SLC15A1: variants seen among roughly 807,000 people sequenced by gnomAD.
SLC15A1 encodes the protein Caco-2 oligopeptide transporter.
SLC15A1 carries 83 observed loss-of-function variants against 92.9 expected under a neutral mutation model. The observed-to-expected ratio is 0.89, with a 90% CI of 0.75 to 1.07. The LOEUF (loss-of-function observed/expected upper bound fraction) is 1.07. Ranked by LOEUF, SLC15A1 falls within the 50% of genes least tolerant of loss-of-function variation. SLC15A1 has a pLI of 0.00. For synonymous variants in SLC15A1, 322 were observed against 318.2 expected (o/e 1.01, Z -0.13); for missense variants, 857 against 880.1 (o/e 0.97, Z 0.33).
rs372730032 is a variant in SLC15A1, at chr13:98,688,537, T to C, written c.1507A>G (p.Ser503Gly). 2 of 1,614,098 alleles carry C rather than the reference T, an allele frequency of 1.2e-6. No individual in the cohort carries two copies. Among genetic ancestry groups the C allele is most frequent in the Non-Finnish European group, 1.7e-6 (2 of 1,179,988 alleles). The change falls in exon 19 of 23, where the codon AGT becomes GGT. Residue 503 changes from serine (S) to glycine (G), a missense_variant. Physicochemically the swap from Ser to Gly is moderately conservative, Grantham distance 56 (BLOSUM62 0). Transcript: ENST00000376503. The stretch of plus-strand genomic sequence containing the variant: ...CTGATGTTTGCATAAACTTTCCCAC[T>C]CATTGTGATGGTGATGAGCTCGTTA... Reference protein sequence around the residue: ...TFNELITITMSGKVYANISSY... With the variant: ...TFNELITITMGGKVYANISSY...
chr13:98,713,509 A>G (rs2088184467), intron 9 of SLC15A1, among the ~76,000 whole-genome samples: 1 of 152,222 alleles, frequency 6.6e-6, no homozygotes, highest in African/African-American at 2.4e-5. Flanking sequence ...TTAGTTTTTA[A>G]GAGTAAGAAC....
chr13:98,684,799 C>T lies in SLC15A1; in HGVS notation c.2052G>A (p.Glu684=), dbSNP rs2087917493. 3 of 1,613,878 alleles carry T rather than the reference C, an allele frequency of 1.9e-6. No individual in the cohort carries two copies. The highest frequency in any genetic ancestry group is 1.3e-5 in the African/African-American group (1 of 74,858). The stretch of plus-strand genomic sequence containing the variant: ...TTTCCAGTCTGTTTTTCTTTTCATC[C>T]TCATCAAATTGAGCTTCGATCTCCG... The part of the protein sequence containing the change: ...NPAEIEAQFD[E]DEKKNRLEKS... Residue 684 remains glutamate (E), a synonymous_variant, in exon 23 of 23, where the codon GAG becomes GAA. Transcript: ENST00000376503.
intron 1 of SLC15A1, among the ~76,000 whole-genome samples, chr13:98,745,444 C>A (rs796894179): frequency 1.1e-4 from 17 of 152,272 alleles, no homozygotes; most frequent in African/African-American, 3.9e-4. Context: ...CAGAACTTGA[C>A]CTTATTTGGA....
chr13:98,706,687 C>T (rs756502811), intron 15 of SLC15A1, among the ~76,000 whole-genome samples: 1 of 152,150 alleles, frequency 6.6e-6, no homozygotes, highest in African/African-American at 2.4e-5. Context: ...TGCCTTTCAC[C>T]TTCTGCCATG....
chr13:98,683,998 C>T lies in SLC15A1; in HGVS notation c.*726G>A, dbSNP rs972544022. On this transcript the variant is annotated 3_prime_UTR_variant, in exon 23 of 23. Transcript: ENST00000376503. Reference sequence around the variant, plus strand: ...CAGCCATTTCAAACCTGTACGTTCACTTTTGGCCTTGGCTCCTGCCTCCTT... The same window carrying T: ...CAGCCATTTCAAACCTGTACGTTCATTTTTGGCCTTGGCTCCTGCCTCCTT... 9 of 152,216 alleles carry T rather than the reference C, an allele frequency of 5.9e-5. No individual in the cohort carries two copies. Among genetic ancestry groups the T allele is most frequent in the African/African-American group, 2.2e-4 (9 of 41,454 alleles). 9.4% of individuals were successfully genotyped at this position (152,216 alleles called of 1,614,324 possible). A position where few individuals can be genotyped will look rare whatever the true frequency, so the allele number is the denominator to read the frequency against.
chr13:98,746,583 T>C (rs1427772724), intron 1 of SLC15A1, among the ~76,000 whole-genome samples: 2 of 152,270 alleles, frequency 1.3e-5, no homozygotes, highest in Non-Finnish European at 2.9e-5. Flanking sequence ...ACATCTGCCA[T>C]GTCCTAATAG....
intron 18 of SLC15A1, among the ~76,000 whole-genome samples, chr13:98,697,478 C>G (rs1208807409): frequency 1.3e-5 from 2 of 152,108 alleles, no homozygotes; most frequent in African/African-American, 4.8e-5. Flanking sequence ...AAATGGAAGA[C>G]CCTCTTGCTG....
intron 18 of SLC15A1, among the ~76,000 whole-genome samples, chr13:98,696,369 C>T (rs2088021581): frequency 6.6e-6 from 1 of 151,828 alleles, no homozygotes; most frequent in Non-Finnish European, 1.5e-5. Flanking sequence ...GCCAAGATGG[C>T]ACCAGTGCAC....
intron 1 of SLC15A1, among the ~76,000 whole-genome samples, chr13:98,732,633 A>C (rs534619530): frequency 1.3e-5 from 2 of 152,300 alleles, no homozygotes; most frequent in East Asian, 3.9e-4. Flanking sequence ...CCTAAAAATT[A>C]ATAACTCCCT....
intron 15 of SLC15A1, among the ~76,000 whole-genome samples, chr13:98,707,212 C>A (rs1020094117): frequency 5.3e-5 from 8 of 152,182 alleles, no homozygotes; most frequent in African/African-American, 1.9e-4. Context: ...ATGTTCATGG[C>A]GGCACTGTTT....
chr13:98,705,662 T>C (rs1342323119), intron 16 of SLC15A1, among the ~76,000 whole-genome samples: 3 of 152,080 alleles, frequency 2.0e-5, no homozygotes, highest in African/African-American at 7.2e-5. Context: ...GAGGCTGAGG[T>C]GGGTGAATCA....
At chr13:98,718,643 C>A (rs531693578) in intron 8 of SLC15A1, among the ~76,000 whole-genome samples, 1 of 152,018 alleles carries the variant, frequency 6.6e-6, no homozygotes, top group Admixed American at 6.6e-5. Flanking sequence ...ATGGTGAAAC[C>A]CTGTTGCTAC....
chr13:98,731,168 C>T (rs2088347638), intron 1 of SLC15A1, among the ~76,000 whole-genome samples: 2 of 152,172 alleles, frequency 1.3e-5, no homozygotes, highest in Non-Finnish European at 2.9e-5. Flanking sequence ...TTGTTGTGCC[C>T]GTCCACAGCG....
intron 15 of SLC15A1, among the ~76,000 whole-genome samples, chr13:98,707,368 C>A (rs2088120507): frequency 6.6e-6 from 1 of 152,132 alleles, no homozygotes; most frequent in Non-Finnish European, 1.5e-5. Context: ...ACCTTGAAGA[C>A]AATATACTAA....
Position 98,688,471 on chromosome 13 carries a change from T to C in SLC15A1, c.1573A>G (p.Ile525Val), listed in dbSNP as rs750680428. The change falls in exon 19 of 23, where the codon ATA becomes GTA. Residue 525 changes from isoleucine (I) to valine (V), a missense_variant and splice_region_variant. Physicochemically the swap from Ile to Val is conservative, Grantham distance 29. Transcript: ENST00000376503. ...ASTYQFFPSG[I>V]KGFTISSTEI... ...GAAGCATTCAGTCTCGGTACTTACATGCCAGAAGGAAAAAACTGGTATGTG... is the reference window on the plus strand; with the variant it reads ...GAAGCATTCAGTCTCGGTACTTACACGCCAGAAGGAAAAAACTGGTATGTG... 2.5e-5 allele frequency: 41 copies of C among 1,613,616 alleles called. 1 individual carries two copies. The South Asian group carries it at 4.2e-4, about 16-fold the overall frequency.
At chr13:98,690,250 T>C (rs910976278) in intron 18 of SLC15A1, among the ~76,000 whole-genome samples, 1 of 152,170 alleles carries the variant, frequency 6.6e-6, no homozygotes, top group Non-Finnish European at 1.5e-5. Context: ...ATAATACTGA[T>C]CAAATTTTAG....
chr13:98,730,667 C>G (rs1412913562), intron 1 of SLC15A1, among the ~76,000 whole-genome samples: 1 of 152,246 alleles, frequency 6.6e-6, no homozygotes. Context: ...TGCATCGTTA[C>G]GGGGGAGACG....
At chr13:98,689,030 C>T (rs1265386503) in intron 18 of SLC15A1, among the ~76,000 whole-genome samples, 2 of 152,054 alleles carry the variant, frequency 1.3e-5, no homozygotes, top group Non-Finnish European at 2.9e-5. Flanking sequence ...ACCTCTGCCT[C>T]CCAGGTTCAA....
chr13:98,692,584 T>C (rs928360809), intron 18 of SLC15A1, among the ~76,000 whole-genome samples: 1 of 152,172 alleles, frequency 6.6e-6, no homozygotes, highest in African/African-American at 2.4e-5. Flanking sequence ...TATTTCTGCC[T>C]CAACACCCGT....
Sources: gnomAD v4.1 joint callset for allele counts (sites outside exome capture counted in the v4.1 genomes callset) on GRCh38, gnomAD v4.1.1 for gene constraint, MANE v1.5 for transcripts, NCBI Gene and HGNC (gene_info 2026-07-23, HGNC 2026-07-21) for gene names.